EXOC6B: variants seen among roughly 807,000 people sequenced by gnomAD.
The protein encoded by EXOC6B is exocyst complex component 6B, also known as SEC15 homolog B.
Under a neutral mutation model 113.5 loss-of-function variants are expected in EXOC6B, and 54 were observed. The observed-to-expected ratio is 0.48, with a 90% CI of 0.38 to 0.60. The LOEUF is 0.60. EXOC6B is among the 20% of genes least tolerant of loss of function. The pLI is 0.00. For synonymous variants in EXOC6B, 357 were observed against 339.0 expected (o/e 1.05, Z -0.58); for missense variants, 797 against 977.5 (o/e 0.82, Z 2.46).
rs944369985 is a variant in EXOC6B at position 72,346,071 on chromosome 2, G to GT, written c.2123-11052dup. Among the ~76,000 whole-genome samples the GT allele has an allele frequency of 9.4e-4, 141 of 149,316 alleles. No homozygotes were observed. The Middle Eastern group carries it at 0.01, about 11-fold the overall frequency. On this transcript the variant is annotated intron_variant, in intron 19 of 21. Transcript: ENST00000272427. ...GGCTAACTCTAACATATTCTCAAAG[G>GT]TTTTTTTTTTAATAGGAAATGTGAT...
chr2:72,709,391 G>A (rs1679118984), intron 6 of EXOC6B, among the ~76,000 whole-genome samples: 1 of 152,140 alleles, frequency 6.6e-6, no homozygotes, highest in African/African-American at 2.4e-5. Flanking sequence ...CCCCCAGGTT[G>A]GAGGGCACAT....
At chr2:72,287,242 A>G (rs1685490036) in intron 20 of EXOC6B, among the ~76,000 whole-genome samples, 1 of 151,848 alleles carries the variant, frequency 6.6e-6, no homozygotes, top group Non-Finnish European at 1.5e-5. Context: ...ATCCTGGCTA[A>G]CACGATGAAA....
At chr2:72,224,133 A>T (rs62147589) in intron 20 of EXOC6B, among the ~76,000 whole-genome samples, 2 of 152,092 alleles carry the variant, frequency 1.3e-5, no homozygotes, top group African/African-American at 4.8e-5. Flanking sequence ...TTATATAAAC[A>T]TCTAGTTTGC....
At chr2:72,585,681 C>T (rs1458234401) in intron 6 of EXOC6B, among the ~76,000 whole-genome samples, 12 of 151,594 alleles carry the variant, frequency 7.9e-5, no homozygotes, top group Non-Finnish European at 1.5e-4. Context: ...ACTATGCACA[C>T]AAAGTGGAAA....
At chr2:72,426,097 T>G (rs1264875634) in intron 18 of EXOC6B, among the ~76,000 whole-genome samples, 2 of 152,178 alleles carry the variant, frequency 1.3e-5, no homozygotes, top group Non-Finnish European at 2.9e-5. Context: ...AGTTTTTAAT[T>G]TCTACCTCAC....
At chr2:72,762,502 AAAG>A (rs1682800527) in intron 1 of EXOC6B, among the ~76,000 whole-genome samples, 1 of 152,114 alleles carries the variant, frequency 6.6e-6, no homozygotes, top group African/African-American at 2.4e-5. Flanking sequence ...CAAATTATAT[AAAG>A]AAGAAGACAA....
chr2:72,321,646 C>T (rs140228458), intron 20 of EXOC6B, among the ~76,000 whole-genome samples: 108 of 151,906 alleles, frequency 7.1e-4, no homozygotes, highest in African/African-American at 2.3e-3. Flanking sequence ...TCCGTTTATA[C>T]GCATTATTCC....
In EXOC6B at chr2:72,524,162, A is replaced by C. The variant is rs1214902096; in HGVS notation, c.916-9036T>G. On this transcript the variant is annotated intron_variant, in intron 8 of 21. Transcript: ENST00000272427. ...TTTATACAGAGTTTAAAAAAAAAAAAAAAAAAAAACTGAAAGGGCCATTTT... is the reference window on the plus strand; with the variant it reads ...TTTATACAGAGTTTAAAAAAAAAAACAAAAAAAAACTGAAAGGGCCATTTT... Among the ~76,000 whole-genome samples the C allele has an allele frequency of 2.6e-5, 4 of 151,986 alleles. No homozygotes were observed. In the South Asian group the frequency reaches 6.2e-4, roughly 24 times the overall value.
intron 20 of EXOC6B, among the ~76,000 whole-genome samples, chr2:72,269,805 C>T (rs1684368975): frequency 6.6e-6 from 1 of 152,106 alleles, no homozygotes; most frequent in South Asian, 2.1e-4. Context: ...TGGAGAATTA[C>T]CTGAGATAAC....
intron 6 of EXOC6B, among the ~76,000 whole-genome samples, chr2:72,670,478 C>T (rs1056803037): frequency 2.0e-4 from 31 of 152,242 alleles, no homozygotes; most frequent in South Asian, 4.1e-4. Flanking sequence ...TCAATTAGGT[C>T]TCTCTTTGTT....
intron 19 of EXOC6B, among the ~76,000 whole-genome samples, chr2:72,362,183 A>G (rs687371): frequency 0.13 from 19,240 of 152,200 alleles, 1,420 homozygotes; most frequent in African/African-American, 0.2. Context: ...GATGCATTCT[A>G]TCCCTCCTTT....
chr2:72,758,469 G>A (rs1682571301), intron 1 of EXOC6B, among the ~76,000 whole-genome samples: 1 of 151,658 alleles, frequency 6.6e-6, no homozygotes, highest in African/African-American at 2.4e-5. Context: ...ACATCATAAA[G>A]CTATTTACAA....
intron 18 of EXOC6B, among the ~76,000 whole-genome samples, chr2:72,417,633 G>C (rs1300872098): frequency 1.3e-5 from 2 of 152,154 alleles, no homozygotes; most frequent in Non-Finnish European, 2.9e-5. Context: ...TTAGATTATA[G>C]TATTTTGCAC....
chr2:72,692,404 T>C (rs1366565949), intron 6 of EXOC6B, among the ~76,000 whole-genome samples: 3 of 151,028 alleles, frequency 2.0e-5, no homozygotes, highest in Non-Finnish European at 2.9e-5. Flanking sequence ...TAGGCTGGAG[T>C]GCAGTGGCAC....
chr2:72,733,911 C>T (rs1316342901), intron 2 of EXOC6B, among the ~76,000 whole-genome samples: 2 of 152,168 alleles, frequency 1.3e-5, no homozygotes, highest in Admixed American at 1.3e-4. Flanking sequence ...ATCCCCTAAC[C>T]TAGCATTTCC....
intron 20 of EXOC6B, among the ~76,000 whole-genome samples, chr2:72,245,655 G>A (rs1248616079): frequency 6.6e-6 from 1 of 152,170 alleles, no homozygotes; most frequent in Non-Finnish European, 1.5e-5. Context: ...GGGAAAGTGA[G>A]GGAGAGAAGA....
intron 20 of EXOC6B, among the ~76,000 whole-genome samples, chr2:72,240,811 G>C (rs1380767742): frequency 6.6e-6 from 1 of 152,210 alleles, no homozygotes; most frequent in Admixed American, 6.5e-5. Flanking sequence ...AAGAGGCTTA[G>C]AATTTGTCAC....
At chr2:72,242,880 G>A (rs961829609) in intron 20 of EXOC6B, among the ~76,000 whole-genome samples, 7 of 152,148 alleles carry the variant, frequency 4.6e-5, no homozygotes, top group Admixed American at 4.6e-4. Context: ...CTATAGGTAT[G>A]TGCTACCACG....
intron 8 of EXOC6B, among the ~76,000 whole-genome samples, chr2:72,544,917 A>T (rs1702811570): frequency 1.3e-5 from 2 of 152,170 alleles, no homozygotes; most frequent in Admixed American, 1.3e-4. Flanking sequence ...AAGCACCTAG[A>T]ATTTTGCATT....
Sources: allele counts gnomAD v4.1 joint callset (sites outside exome capture counted in the v4.1 genomes callset), GRCh38; gene constraint gnomAD v4.1.1; transcripts MANE v1.5; gene names NCBI Gene and HGNC (gene_info 2026-07-23, HGNC 2026-07-21).